NFATC2: variants seen among roughly 807,000 people sequenced by gnomAD.
NFATC2 encodes the protein nuclear factor of activated T-cells, cytoplasmic 2.
Under a neutral mutation model 87.3 loss-of-function variants are expected in NFATC2, and 22 were observed. That is an observed-to-expected ratio of 0.25 (90% CI 0.18 to 0.36). The LOEUF is 0.36. Ranked by LOEUF, NFATC2 falls within the 10% of genes least tolerant of loss-of-function variation. The probability of loss-of-function intolerance (pLI) is 1.00; values close to 1 mark genes in which losing one functional copy is unlikely to be tolerated. For missense variants in NFATC2, 1,149 were observed against 1,259.1 expected (o/e 0.91, Z 1.32); for synonymous variants, 565 against 542.2 (o/e 1.04, Z -0.58).
rs1267021342 is a variant in NFATC2 at position 51,426,662 on chromosome 20, T to G, written c.2722+5405A>C. 6.6e-5 allele frequency among the ~76,000 whole-genome samples: 10 copies of G among 152,200 alleles called. 1 individual carries two copies. Among genetic ancestry groups the G allele is most frequent in the Non-Finnish European group, 1.5e-4 (10 of 68,036 alleles). ...ACTTGCCTGAGGTCAGAGTCAGTGA[T>G]GGAGCTGACACTCAAGACACAAAAG... On this transcript the variant is annotated intron_variant, in intron 9 of 10. Transcript: ENST00000371564.
chr20:51,471,384 G>A (rs1050385945), intron 5 of NFATC2, among the ~76,000 whole-genome samples: 1 of 152,154 alleles, frequency 6.6e-6, no homozygotes, highest in African/African-American at 2.4e-5. Context: ...AGACCTTGGT[G>A]GGGCAGCCAC....
chr20:51,470,302 G>C (rs1028354724), intron 5 of NFATC2, among the ~76,000 whole-genome samples: 5 of 152,152 alleles, frequency 3.3e-5, no homozygotes, highest in African/African-American at 1.2e-4. Flanking sequence ...GGAGCAGTCG[G>C]GGAAGCTGGA....
At chr20:51,497,256 G>A (rs1237917142) in intron 3 of NFATC2, among the ~76,000 whole-genome samples, 1 of 152,098 alleles carries the variant, frequency 6.6e-6, no homozygotes, top group African/African-American at 2.4e-5. Flanking sequence ...CAACAACTTC[G>A]GGTCCAAAGT....
chr20:51,548,199 C>T, intron 1 of NFATC2, among the ~76,000 whole-genome samples: 1 of 152,240 alleles, frequency 6.6e-6, no homozygotes, highest in East Asian at 1.9e-4. Flanking sequence ...CACCCCAGGG[C>T]CTTTGTACTT....
chr20:51,561,626 A>C (rs1041169541), intron 1 of NFATC2, among the ~76,000 whole-genome samples: 1 of 134,186 alleles, frequency 7.5e-6, no homozygotes, highest in Non-Finnish European at 1.5e-5. Flanking sequence ...CAAAACCTAC[A>C]TTCAACTCTG....
chr20:51,549,648 C>T (rs1398862039), intron 1 of NFATC2, among the ~76,000 whole-genome samples: 1 of 152,224 alleles, frequency 6.6e-6, no homozygotes, highest in African/African-American at 2.4e-5. Flanking sequence ...AAGCAAGACA[C>T]CTTCAGTGCC....
intron 5 of NFATC2, among the ~76,000 whole-genome samples, chr20:51,466,459 G>A (rs530990103): frequency 1.4e-4 from 22 of 152,174 alleles, no homozygotes; most frequent in African/African-American, 4.6e-4. Context: ...CGGAAGGTGT[G>A]CAAGAAGCAT....
At chr20:51,540,647 G>GTTTTTTTTGTTTTTTTTTTTTTT (rs2076793590) in intron 1 of NFATC2, among the ~76,000 whole-genome samples, 1 of 112,974 alleles carries the variant, frequency 8.9e-6, no homozygotes, top group African/African-American at 4.4e-5. Flanking sequence ...AAAAACTGAA[G>GTTTTTTTTGTTTTTTTTTTTTTT]TTTTTTTTTT....
chr20:51,490,816 C>T (rs561217595), intron 3 of NFATC2, among the ~76,000 whole-genome samples: 61 of 152,212 alleles, frequency 4.0e-4, no homozygotes, highest in African/African-American at 1.5e-3. Context: ...GTTAAAAATG[C>T]TGACTAAGTA....
intron 3 of NFATC2, among the ~76,000 whole-genome samples, chr20:51,515,554 T>A (rs2076338342): frequency 6.6e-6 from 1 of 152,164 alleles, no homozygotes; most frequent in Non-Finnish European, 1.5e-5. Context: ...ACATCCAGTA[T>A]ATATCATCAC....
intron 3 of NFATC2, among the ~76,000 whole-genome samples, chr20:51,503,205 T>C (rs2076119449): frequency 6.6e-6 from 1 of 152,212 alleles, no homozygotes; most frequent in Admixed American, 6.5e-5. Flanking sequence ...ACAGCTTGTA[T>C]TAATACCTTT....
chr20:51,398,847 G>GGCTCTAGTTTAAGCCAGAATT, intron 9 of NFATC2, 117 bp from the exon 10 acceptor site: 2 of 725,906 alleles, frequency 2.8e-6, no homozygotes, highest in Non-Finnish European at 4.8e-6. Flanking sequence ...TTAACCCTTT[G>GGCTCTAGTTTAAGCCAGAATT]GCTCTAGTTT....
chr20:51,551,854 A>G (rs573209222), intron 1 of NFATC2, among the ~76,000 whole-genome samples: 1 of 150,670 alleles, frequency 6.6e-6, no homozygotes, highest in Non-Finnish European at 1.5e-5. Context: ...GGTGAAACCC[A>G]ATCTCTACTA....
At chr20:51,409,501 G>C (rs1978869700) in intron 9 of NFATC2, among the ~76,000 whole-genome samples, 1 of 152,214 alleles carries the variant, frequency 6.6e-6, no homozygotes, top group Non-Finnish European at 1.5e-5. Flanking sequence ...ATTATGCTAA[G>C]GTGTGAATGA....
At chr20:51,516,749 A>G in intron 3 of NFATC2, 35 bp downstream of exon 3, 1 of 1,562,062 alleles carries the variant, frequency 6.4e-7, no homozygotes, top group South Asian at 1.2e-5. Context: ...AGTGACAAAC[A>G]CCACACACAA....
At chr20:51,508,770 AG>A (rs2076226453) in intron 3 of NFATC2, among the ~76,000 whole-genome samples, 1 of 152,030 alleles carries the variant, frequency 6.6e-6, no homozygotes, top group African/African-American at 2.4e-5. Flanking sequence ...TCTTGCAGCC[AG>A]TCTCAAAAAA....
intron 10 of NFATC2, among the ~76,000 whole-genome samples, chr20:51,395,354 A>G (rs1435418203): frequency 6.6e-5 from 10 of 152,068 alleles, no homozygotes; most frequent in Admixed American, 5.9e-4. Context: ...CTTGTACGGT[A>G]TTGATCCTCT....
chr20:51,463,914 G>T (rs1362049056), intron 5 of NFATC2, among the ~76,000 whole-genome samples: 2 of 152,136 alleles, frequency 1.3e-5, no homozygotes, highest in Admixed American at 1.3e-4. Context: ...CTCATAAGTA[G>T]CCCAGTAAAG....
At chr20:51,469,473 C>T (rs993213799) in intron 5 of NFATC2, among the ~76,000 whole-genome samples, 9 of 152,132 alleles carry the variant, frequency 5.9e-5, no homozygotes, top group African/African-American at 2.2e-4. Context: ...GGGAAGCCAA[C>T]AAATGCAGTT....
Sources: gnomAD v4.1 joint callset for allele counts (sites outside exome capture counted in the v4.1 genomes callset) on GRCh38, gnomAD v4.1.1 for gene constraint, MANE v1.5 for transcripts, NCBI Gene and HGNC (gene_info 2026-07-23, HGNC 2026-07-21) for gene names.